ORC2: variants seen among roughly 807,000 people sequenced by gnomAD.
ORC2 encodes origin recognition complex subunit 2.
ORC2 carries 37 observed loss-of-function variants against 77.7 expected under a neutral mutation model. That is an observed-to-expected ratio of 0.48 (90% CI 0.37 to 0.63). ORC2 has a LOEUF of 0.63. Ranked by LOEUF, ORC2 falls within the 20% of genes least tolerant of loss-of-function variation. ORC2 has a pLI of 0.00. For missense variants in ORC2, 557 were observed against 661.9 expected, an observed-to-expected ratio of 0.84 and a Z score of 1.74; for synonymous variants, 201 against 229.5, an observed-to-expected ratio of 0.88 and a Z score of 1.12.
At chr2:200,933,712 T>C (rs954219793) in intron 10 of ORC2, among the ~76,000 whole-genome samples, 164 bp downstream of exon 10, 10 of 152,174 alleles carry the variant, frequency 6.6e-5, no homozygotes, top group Non-Finnish European at 1.2e-4. Context: ...GCCCGGCCTA[T>C]TTACTATTTA....
chr2:200,916,660 A>G (rs1478044240), intron 15 of ORC2, among the ~76,000 whole-genome samples: 2 of 152,166 alleles, frequency 1.3e-5, no homozygotes, highest in African/African-American at 4.8e-5. Context: ...TCCATCAAAA[A>G]ATTTCATTAG....
At chr2:200,913,896 A>C (rs2040593135) in intron 16 of ORC2, 35 bp downstream of exon 16, 1 of 1,566,892 alleles carries the variant, frequency 6.4e-7, no homozygotes, top group South Asian at 1.2e-5. Flanking sequence ...GGTAAAACAA[A>C]AATTACACAA....
Position 200,956,864 on chromosome 2 carries a change from G to A in ORC2, c.238+537C>T, listed in dbSNP as rs188836549. ...GGAATGAGATCATGTCCTTTGCAGGGACATGTATGAAGCTAGAAGTCATCA... is the reference window on the plus strand; with the variant it reads ...GGAATGAGATCATGTCCTTTGCAGGAACATGTATGAAGCTAGAAGTCATCA... On this transcript the variant is annotated intron_variant, in intron 4 of 17. Transcript: ENST00000234296. 6.6e-3 allele frequency among the ~76,000 whole-genome samples: 998 copies of A among 152,238 alleles called. 9 individuals are homozygous for A. Among genetic ancestry groups the A allele is most frequent in the Middle Eastern group, 0.037 (11 of 294 alleles).
chr2:200,953,261 T>C (rs1182895160), intron 4 of ORC2, among the ~76,000 whole-genome samples: 3 of 149,896 alleles, frequency 2.0e-5, no homozygotes, highest in African/African-American at 7.3e-5. Context: ...AAGTATAATA[T>C]AGAAAACCAC....
At chr2:200,948,973 T>A (rs2041299939) in intron 5 of ORC2, among the ~76,000 whole-genome samples, 1 of 151,746 alleles carries the variant, frequency 6.6e-6, no homozygotes, top group African/African-American at 2.4e-5. Flanking sequence ...GCATGGTGAC[T>A]CATGCCTGTA....
At chr2:200,957,974 A>G in intron 3 of ORC2, 56 bp downstream of exon 3, 1 of 1,092,746 alleles carries the variant, frequency 9.2e-7, no homozygotes, top group Non-Finnish European at 1.4e-6. Flanking sequence ...TTAAAAGTGA[A>G]ATAATCCATA....
chr2:200,916,993 C>CT (rs1165127308), intron 15 of ORC2, among the ~76,000 whole-genome samples: 21,109 of 105,508 alleles, frequency 0.2, 3,371 homozygotes, highest in African/African-American at 0.37. Context: ...TGTGCCCCAC[C>CT]TTTTTTTTTT....
intron 5 of ORC2, among the ~76,000 whole-genome samples, chr2:200,948,739 T>C (rs1347072418): frequency 6.6e-6 from 1 of 152,046 alleles, no homozygotes; most frequent in Admixed American, 6.5e-5. Context: ...ATTTTTCGTA[T>C]TTTTAGTAGA....
chr2:200,956,763 C>A (rs2041472989), intron 4 of ORC2, among the ~76,000 whole-genome samples: 3 of 152,076 alleles, frequency 2.0e-5, no homozygotes, highest in South Asian at 4.1e-4. Context: ...CTGAGCAAGA[C>A]CCTGTCTCTA....
In ORC2 at chr2:200,931,466, A is replaced by AG. The variant is rs768691164; in HGVS notation, c.808-19dup. On this transcript the variant is annotated intron_variant, in intron 10 of 17. Transcript: ENST00000234296. Reference sequence around the variant, plus strand: ...AAAGTTTGCTTTAAAAAAAAGGAGGAGGGGAAAAAAGTCATTCTCAAAGCA... The same window carrying AG: ...AAAGTTTGCTTTAAAAAAAAGGAGGAGGGGGAAAAAAGTCATTCTCAAAGCA... The AG allele has an allele frequency of 7.4e-7, 1 of 1,345,454 alleles. No homozygotes were observed. The highest frequency in any genetic ancestry group is 1.3e-5 in the South Asian group (1 of 79,666). The allele number at this position is 1,345,454 out of a possible 1,614,324, so 83.3% of individuals were successfully genotyped here.
At chr2:200,962,935 G>A (rs1310803953) in intron 1 of ORC2, 2 of 152,414 alleles carry the variant, frequency 1.3e-5, no homozygotes, top group African/African-American at 2.4e-5. Flanking sequence ...GCCAAGCATG[G>A]CTCCAAGGTG....
intron 5 of ORC2, among the ~76,000 whole-genome samples, chr2:200,943,433 A>T (rs1475177382): frequency 6.6e-6 from 1 of 152,050 alleles, no homozygotes; most frequent in Non-Finnish European, 1.5e-5. Context: ...CATTTTAAAT[A>T]AAAAAATATA....
At chr2:200,924,121 A>G (rs887032375) in intron 13 of ORC2, among the ~76,000 whole-genome samples, 3 of 152,128 alleles carry the variant, frequency 2.0e-5, no homozygotes, top group African/African-American at 7.2e-5. Flanking sequence ...CCCAGGCAGG[A>G]GTATCCCTTG....
At chr2:200,951,891 A>G (rs2041364195) in intron 4 of ORC2, among the ~76,000 whole-genome samples, 1 of 152,154 alleles carries the variant, frequency 6.6e-6, no homozygotes. Flanking sequence ...GAATTTGTCA[A>G]TCTTTTCTTT....
At chr2:200,942,186 CCT>C (rs761524655) in intron 6 of ORC2, among the ~76,000 whole-genome samples, 1 of 151,756 alleles carries the variant, frequency 6.6e-6, no homozygotes, top group Non-Finnish European at 1.5e-5. Context: ...ATAGCGAGAC[CCT>C]GTCTCTAAAA....
chr2:200,941,154 T>C, intron 7 of ORC2, 94 bp downstream of exon 7: 1 of 956,644 alleles, frequency 1.0e-6, no homozygotes, highest in Non-Finnish European at 1.6e-6. Flanking sequence ...ACTATATAAA[T>C]TAAGAGATCA....
At chr2:200,913,806 C>A in intron 16 of ORC2, 125 bp downstream of exon 16, 1 of 1,423,490 alleles carries the variant, frequency 7.0e-7, no homozygotes, top group Non-Finnish European at 9.2e-7. Flanking sequence ...GGCAGACATA[C>A]CCATCATGAG....
At chr2:200,940,396 C>T (rs1021200879) in intron 7 of ORC2, among the ~76,000 whole-genome samples, 5 of 152,162 alleles carry the variant, frequency 3.3e-5, no homozygotes, top group African/African-American at 1.2e-4. Context: ...ACTTGTCTGC[C>T]TTGTCCTTTG....
At chr2:200,919,260 T>C (rs1455636606) in intron 15 of ORC2, among the ~76,000 whole-genome samples, 1 of 152,266 alleles carries the variant, frequency 6.6e-6, no homozygotes, top group Non-Finnish European at 1.5e-5. Context: ...TTGTTATTTT[T>C]CAACACTTCA....
Sources: allele counts gnomAD v4.1 joint callset (sites outside exome capture counted in the v4.1 genomes callset), GRCh38; gene constraint gnomAD v4.1.1; transcripts MANE v1.5; gene names NCBI Gene and HGNC (gene_info 2026-07-23, HGNC 2026-07-21).